AXIN1: variants seen among roughly 807,000 people sequenced by gnomAD.
AXIN1 encodes axin-1.
Under a neutral mutation model 76.4 loss-of-function variants are expected in AXIN1, and 30 were observed. The observed-to-expected ratio is 0.39, with a 90% CI of 0.29 to 0.53. The LOEUF is 0.53. AXIN1 is among the 20% of genes least tolerant of loss of function. The probability of loss-of-function intolerance (pLI) is 0.66; values close to 1 mark genes in which losing one functional copy is unlikely to be tolerated. For missense variants in AXIN1, 1,140 were observed against 1,198.8 expected (o/e 0.95, Z 0.72); for synonymous variants, 545 against 501.4 (o/e 1.09, Z -1.16).
At chr16:301,111 A>T (rs1302422737) in intron 5 of AXIN1, among the ~76,000 whole-genome samples, 1 of 152,072 alleles carries the variant, frequency 6.6e-6, no homozygotes, top group Admixed American at 6.6e-5. Flanking sequence ...TCTACTAAAA[A>T]TACAAAAAAA....
intron 3 of AXIN1, among the ~76,000 whole-genome samples, chr16:314,053 T>C (rs2053243697): frequency 6.6e-6 from 1 of 152,162 alleles, no homozygotes; most frequent in Admixed American, 6.5e-5. Flanking sequence ...CCACAGCCAG[T>C]GGTGAGGCAG....
chr16:288,701 C>A (rs1037965308), intron 10 of AXIN1, among the ~76,000 whole-genome samples: 1 of 152,258 alleles, frequency 6.6e-6, no homozygotes, highest in African/African-American at 2.4e-5. Flanking sequence ...GGGTCAGGCC[C>A]CCTCTGCTCA....
At chr16:348,412 C>T (rs2054075506) in intron 1 of AXIN1, among the ~76,000 whole-genome samples, 1 of 152,258 alleles carries the variant, frequency 6.6e-6, no homozygotes, top group Admixed American at 6.5e-5. Flanking sequence ...CTCCACACTG[C>T]TGTCCCTTGT....
At chr16:320,739 A>ATTTTTTTT (rs1442116204) in intron 2 of AXIN1, among the ~76,000 whole-genome samples, 13 of 91,982 alleles carry the variant, frequency 1.4e-4, no homozygotes, top group African/African-American at 4.0e-4. Flanking sequence ...ATATATATAT[A>ATTTTTTTT]TATATTTTTT....
intron 4 of AXIN1, among the ~76,000 whole-genome samples, chr16:306,643 T>C (rs910304511): frequency 2.6e-5 from 4 of 152,190 alleles, no homozygotes; most frequent in African/African-American, 4.8e-5. Flanking sequence ...GCTCAGATGT[T>C]CCACAGTAGA....
intron 3 of AXIN1, among the ~76,000 whole-genome samples, chr16:312,570 C>T (rs981516983): frequency 6.6e-6 from 1 of 152,190 alleles, no homozygotes; most frequent in Admixed American, 6.5e-5. Flanking sequence ...AACCACCTGG[C>T]CCGAGGCTTC....
rs771361430 is a variant in AXIN1, at chr16:310,001, T to C, written c.1088A>G (p.Asn363Ser). 1.5e-5 allele frequency: 24 copies of C among 1,613,416 alleles called. No individual in the cohort carries two copies. Among genetic ancestry groups the C allele is most frequent in the Admixed American group, 3.3e-5 (2 of 59,994 alleles). Reference sequence around the variant, plus strand: ...AATGTGAGGTAGGGGCACCCGCCCATTGACCTGCACGCTCTCCTGCATCTC... The same window carrying C: ...AATGTGAGGTAGGGGCACCCGCCCACTGACCTGCACGCTCTCCTGCATCTC... ...RREMQESVQV[N>S]GRVPLPHIPR... The change falls in exon 4 of 11, where the codon AAT becomes AGT. Residue 363 changes from asparagine (N) to serine (S), a missense_variant. By Grantham distance (46) the Asn-to-Ser change is conservative (BLOSUM62 1). Transcript: ENST00000262320.
At chr16:288,510 T>C (rs1342261674) in intron 10 of AXIN1, among the ~76,000 whole-genome samples, 1 of 152,210 alleles carries the variant, frequency 6.6e-6, no homozygotes, top group South Asian at 2.1e-4. Context: ...TGCCCCAGCC[T>C]CTCAGGAGTT....
At chr16:330,153 C>G (rs188479105) in intron 2 of AXIN1, among the ~76,000 whole-genome samples, 1 of 151,856 alleles carries the variant, frequency 6.6e-6, no homozygotes, top group Admixed American at 6.6e-5. Context: ...CTCAACCTCC[C>G]GGTCTCAGGT....
At chr16:315,645 G>A (rs2053282864) in intron 2 of AXIN1, among the ~76,000 whole-genome samples, 1 of 152,070 alleles carries the variant, frequency 6.6e-6, no homozygotes, top group South Asian at 2.1e-4. Context: ...GGCTAACACA[G>A]TGAAACCCCG....
intron 8 of AXIN1, chr16:291,727 G>GTTGT: frequency 6.4e-6 from 2 of 310,176 alleles, no homozygotes; most frequent in Non-Finnish European, 1.3e-5. Context: ...GGGAGGCTGA[G>GTTGT]GGCCCCCCGG....
intron 8 of AXIN1, 91 bp from the exon 9 acceptor site, chr16:291,388 C>T (rs1432362665): frequency 1.6e-5 from 19 of 1,166,168 alleles, no homozygotes; most frequent in Non-Finnish European, 2.3e-5. Context: ...CAGGGACGGA[C>T]GGAGCGTGAA....
rs142531359 is a variant in AXIN1 at position 350,923 on chromosome 16, G to A, written c.-82+1446C>T. On this transcript the variant is annotated intron_variant, in intron 1 of 10. Coordinates refer to ENST00000262320, the MANE Select transcript of AXIN1 (RefSeq NM_003502.4). ...GAGGTGGGCGGATCACCTGAGGTCGGGAGTTCAAGACCATCCTGACCCACA... is the reference window on the plus strand; with the variant it reads ...GAGGTGGGCGGATCACCTGAGGTCGAGAGTTCAAGACCATCCTGACCCACA... Among the ~76,000 whole-genome samples, 787 of 152,150 alleles carry A rather than the reference G, an allele frequency of 5.2e-3. 2 individuals are homozygous for A. Among genetic ancestry groups the A allele is most frequent in the Non-Finnish European group, 9.0e-3 (613 of 68,002 alleles).
intron 8 of AXIN1, chr16:292,259 G>C (rs1300707334): frequency 6.6e-6 from 1 of 152,386 alleles, no homozygotes; most frequent in Non-Finnish European, 1.5e-5. Flanking sequence ...CTCCTGCATG[G>C]CAGGGGGCTC....
At position 288,238 on chromosome 16, in the gene AXIN1, TGAA is replaced by T; in HGVS notation, c.2470_2472del (p.Phe824del). The T allele has an allele frequency of 6.2e-7, 1 of 1,613,578 alleles. No homozygotes were observed. The highest frequency in any genetic ancestry group is 8.5e-7 in the Non-Finnish European group (1 of 1,179,998). On this transcript the variant is annotated inframe_deletion, in exon 11 of 11. Coordinates refer to ENST00000262320, the MANE Select transcript of AXIN1 (RefSeq NM_003502.4). The stretch of plus-strand genomic sequence containing the variant: ...CAGTCAAACTCGTCGCTCACTTTCT[TGAA>T]GTAGTATCTGCAGGACGGAGGTGAG...
chr16:334,724 C>G (rs1049030002), intron 2 of AXIN1, among the ~76,000 whole-genome samples: 3 of 151,324 alleles, frequency 2.0e-5, no homozygotes, highest in Non-Finnish European at 4.4e-5. Flanking sequence ...CCCAGTACCA[C>G]AGCATGCCAA....
chr16:293,289 C>T lies in AXIN1; in HGVS notation c.2186+199G>A. On this transcript the variant is annotated intron_variant, in intron 8 of 10. Transcript: ENST00000262320. The surrounding 1 kb of genome is among the most constrained non-coding windows in gnomAD (Gnocchi z 4.6). ...GGCCTCGGGTGTGTGAAAGCTCCAGCCCCAGCCTCCGTCCACCGCAGGGTG... is the reference window on the plus strand; with the variant it reads ...GGCCTCGGGTGTGTGAAAGCTCCAGTCCCAGCCTCCGTCCACCGCAGGGTG... The T allele has an allele frequency of 1.6e-6, 1 of 623,824 alleles. No homozygotes were observed. The highest frequency in any genetic ancestry group is 2.8e-6 in the Non-Finnish European group (1 of 357,724). The allele number at this position is 623,824 out of a possible 1,614,324, so 38.6% of individuals were successfully genotyped here. A position where few individuals can be genotyped will look rare whatever the true frequency, so the allele number is the denominator to read the frequency against.
chr16:308,513 C>T (rs1008951684), intron 4 of AXIN1, among the ~76,000 whole-genome samples: 7 of 152,272 alleles, frequency 4.6e-5, no homozygotes, highest in Admixed American at 1.3e-4. Context: ...ACTCAAGCCC[C>T]GTCCTCATGG....
At chr16:310,491 G>A (rs564760978) in intron 3 of AXIN1, among the ~76,000 whole-genome samples, 1 of 152,218 alleles carries the variant, frequency 6.6e-6, no homozygotes, top group Admixed American at 6.5e-5. Context: ...CCACCTCCCG[G>A]GTTCACGCTA....
Sources: gnomAD v4.1 joint callset for allele counts (sites outside exome capture counted in the v4.1 genomes callset) on GRCh38, gnomAD v4.1.1 for gene constraint, Gnocchi (gnomAD v3.1) non-coding constraint, MANE v1.5 for transcripts, NCBI Gene and HGNC (gene_info 2026-07-23, HGNC 2026-07-21) for gene names.